Variants in PARD6G observed in about 807,000 individuals in gnomAD.
PARD6G encodes the protein partitioning defective 6 homolog gamma.
In PARD6G, 7 loss-of-function variants were observed where a neutral mutation model predicts 10.7. The observed-to-expected ratio is 0.66, with a 90% CI of 0.37 to 1.23. PARD6G has a LOEUF of 1.23. Among genes scored for constraint, PARD6G ranks in the 50% most tolerant of loss-of-function variants. The probability of loss-of-function intolerance (pLI) is 0.02; values close to 1 mark genes in which losing one functional copy is unlikely to be tolerated. For missense variants in PARD6G, 548 were observed against 571.8 expected, an observed-to-expected ratio of 0.96 and a Z score of 0.42; for synonymous variants, 287 against 269.4, an observed-to-expected ratio of 1.07 and a Z score of -0.64.
At chr18:80,220,698 C>T (rs1163264053) in intron 1 of PARD6G, among the ~76,000 whole-genome samples, 2 of 151,914 alleles carry the variant, frequency 1.3e-5, no homozygotes, top group Non-Finnish European at 2.9e-5. Context: ...GCAACCTCCA[C>T]CTCCCAGGTT....
At chr18:80,195,198 T>C (rs1465602583) in intron 2 of PARD6G, among the ~76,000 whole-genome samples, 1 of 152,100 alleles carries the variant, frequency 6.6e-6, no homozygotes, top group African/African-American at 2.4e-5. Context: ...AACAATGACA[T>C]GGCCATTTTT....
intron 2 of PARD6G, among the ~76,000 whole-genome samples, chr18:80,179,564 C>T (rs1056863286): frequency 2.6e-5 from 4 of 152,174 alleles, no homozygotes; most frequent in East Asian, 1.9e-4. Flanking sequence ...CCTGGGCCCA[C>T]GTTAAATCAG....
Position 80,231,329 on chromosome 18 carries a change from C to T in PARD6G, c.72+15948G>A, listed in dbSNP as rs962132064. 5.3e-5 allele frequency among the ~76,000 whole-genome samples: 8 copies of T among 152,250 alleles called. No individual in the cohort carries two copies. Among genetic ancestry groups the T allele is most frequent in the East Asian group, 3.8e-4 (2 of 5,198 alleles). On this transcript the variant is annotated intron_variant, in intron 1 of 2. Transcript: ENST00000353265. This position sits in a 1 kb window ranked among gnomAD's most constrained non-coding sequence, Gnocchi z 4.2. ...AAGACTTTCCTGAAAGGTAAATTCA[C>T]TTAGGCAGAAGCCTCGAACTCCAGC...
At position 80,159,719 on chromosome 18, in the gene PARD6G, T is replaced by C. The variant is rs1459993349; in HGVS notation, c.*52A>G. 1 of 1,356,390 alleles carries C rather than the reference T, an allele frequency of 7.4e-7. No homozygotes were observed. The highest frequency in any genetic ancestry group is 3.1e-5 in the East Asian group (1 of 32,244). 84.0% of individuals were successfully genotyped at this position (1,356,390 alleles called of 1,614,324 possible). A position where few individuals can be genotyped will look rare whatever the true frequency, so the allele number is the denominator to read the frequency against. On this transcript the variant is annotated 3_prime_UTR_variant, in exon 3 of 3. Coordinates refer to ENST00000353265, the MANE Select transcript of PARD6G (RefSeq NM_032510.4). ...GAGCGGATGCAGTCTGCAGGTCCTG[T>C]CCCTGTCCTTACCGGGGAACTGGAG...
In PARD6G at chr18:80,189,710, G is replaced by A. The variant is rs559403321; in HGVS notation, c.295+13000C>T. On this transcript the variant is annotated intron_variant, in intron 2 of 2. Coordinates refer to ENST00000353265, the MANE Select transcript of PARD6G (RefSeq NM_032510.4). The surrounding 1 kb of genome is among the most constrained non-coding windows in gnomAD (Gnocchi z 5.5). The stretch of plus-strand genomic sequence containing the variant: ...CACGTCCCCTGGGAGTCCCCCGTCC[G>A]TCGTTGAGGCTGTTCTTTCATCTCC... Among the ~76,000 whole-genome samples, 138 of 152,156 alleles carry A rather than the reference G, an allele frequency of 9.1e-4. No individual in the cohort carries two copies. Among genetic ancestry groups the A allele is most frequent in the Middle Eastern group, 3.4e-3 (1 of 294 alleles).
intron 1 of PARD6G, among the ~76,000 whole-genome samples, chr18:80,243,853 G>A (rs1032737667): frequency 1.3e-5 from 2 of 152,110 alleles, no homozygotes; most frequent in Non-Finnish European, 2.9e-5. Flanking sequence ...CAAAGAAAGC[G>A]TGGGCCGAGG....
At chr18:80,220,260 G>A (rs1967215179) in intron 1 of PARD6G, among the ~76,000 whole-genome samples, 1 of 152,124 alleles carries the variant, frequency 6.6e-6, no homozygotes, top group Admixed American at 6.5e-5. Flanking sequence ...AAACAGCATA[G>A]AGGTAACTGC....
chr18:80,193,970 T>G (rs1213442438), intron 2 of PARD6G, among the ~76,000 whole-genome samples: 1 of 152,188 alleles, frequency 6.6e-6, no homozygotes, highest in Non-Finnish European at 1.5e-5. Flanking sequence ...TGAATCATTT[T>G]CCAACAGGAG....
In PARD6G at chr18:80,247,391, G is replaced by A. The variant is rs572269264; in HGVS notation, c.-43C>T. 11 of 1,493,356 alleles carry A rather than the reference G, an allele frequency of 7.4e-6. No individual in the cohort carries two copies. The highest frequency in any genetic ancestry group is 9.9e-6 in the Non-Finnish European group (11 of 1,108,926). The allele number at this position is 1,493,356 out of a possible 1,614,324, so 92.5% of individuals were successfully genotyped here. On this transcript the variant is annotated 5_prime_UTR_variant, in exon 1 of 3. Coordinates refer to ENST00000353265, the MANE Select transcript of PARD6G (RefSeq NM_032510.4). The surrounding 1 kb of genome is among the most constrained non-coding windows in gnomAD (Gnocchi z 4.2). The stretch of plus-strand genomic sequence containing the variant: ...GCCTCGCCGTCGCCCTCGCTCCTCA[G>A]GGGCCGCAGAAAGACTCCCGGGGGC...
chr18:80,229,876 C>T (rs1967338529), intron 1 of PARD6G, among the ~76,000 whole-genome samples: 1 of 152,168 alleles, frequency 6.6e-6, no homozygotes. Context: ...GCAGTGTGGG[C>T]GGCCAGGCAA....
In PARD6G at chr18:80,181,809, G is replaced by A. The variant is rs1378946799; in HGVS notation, c.295+20901C>T. Among the ~76,000 whole-genome samples the A allele has an allele frequency of 6.6e-6, 1 of 152,080 alleles. No homozygotes were observed. The highest frequency in any genetic ancestry group is 1.5e-5 in the Non-Finnish European group (1 of 68,020). On this transcript the variant is annotated intron_variant, in intron 2 of 2. Coordinates refer to ENST00000353265, the MANE Select transcript of PARD6G (RefSeq NM_032510.4). This position sits in a 1 kb window ranked among gnomAD's most constrained non-coding sequence, Gnocchi z 7.9. ...CTCCCCCTGTGCAGAGCATGTGTGG[G>A]GACAGGCAGCTGGATGAAGCACCTC...
intron 1 of PARD6G, among the ~76,000 whole-genome samples, chr18:80,224,586 G>T (rs559587191): frequency 2.8e-3 from 420 of 152,334 alleles, no homozygotes; most frequent in Middle Eastern, 6.8e-3. Context: ...GGTGGCTCAC[G>T]CCTGTAATCC....
chr18:80,196,861 C>T (rs368053475), intron 2 of PARD6G, among the ~76,000 whole-genome samples: 4 of 141,514 alleles, frequency 2.8e-5, no homozygotes, highest in East Asian at 4.1e-4. Context: ...CACATTCCCA[C>T]GGTGGAGTGG....
At position 80,228,072 on chromosome 18, in the gene PARD6G, G is replaced by A. The variant is rs1250568245; in HGVS notation, c.72+19205C>T. Among the ~76,000 whole-genome samples, 1 of 152,160 alleles carries A rather than the reference G, an allele frequency of 6.6e-6. No individual in the cohort carries two copies. The highest frequency in any genetic ancestry group is 6.5e-5 in the Admixed American group (1 of 15,282). ...TATGGTCTCCATTTTATCCCCAAGAGAGCTCAGTATACAGTAGATACTAAA... is the reference window on the plus strand; with the variant it reads ...TATGGTCTCCATTTTATCCCCAAGAAAGCTCAGTATACAGTAGATACTAAA... On this transcript the variant is annotated intron_variant, in intron 1 of 2. Transcript: ENST00000353265. The surrounding 1 kb of genome is among the most constrained non-coding windows in gnomAD (Gnocchi z 4.6).
At chr18:80,178,910 G>A (rs2145260866) in intron 2 of PARD6G, among the ~76,000 whole-genome samples, 1 of 152,204 alleles carries the variant, frequency 6.6e-6, no homozygotes, top group East Asian at 1.9e-4. Flanking sequence ...TGGGGAGGGA[G>A]TGAGGAAGGA....
intron 1 of PARD6G, among the ~76,000 whole-genome samples, chr18:80,242,438 T>C (rs968752301): frequency 1.6e-4 from 25 of 152,202 alleles, no homozygotes; most frequent in Admixed American, 3.3e-4. Context: ...TGCAGCACCA[T>C]GGCAGCCAAC....
Position 80,202,854 on chromosome 18 carries a change from G to A in PARD6G, c.151C>T (p.His51Tyr), listed in dbSNP as rs1967021713. ...TCACTGTTGGAGATATGGTGGGTGT[G>A]CACAACCAGCTTGTAGAAATCTTCA... Reference protein sequence around the residue: ...KFEDFYKLVVHTHHISNSDVT... With the variant: ...KFEDFYKLVVYTHHISNSDVT... The change falls in exon 2 of 3, where the codon CAC (histidine) becomes TAC (tyrosine). Residue 51 changes from histidine (H) to tyrosine (Y), a missense_variant. Around this residue, in one of 2 missense-constraint regions of PARD6G, gnomAD observed 235 missense variants for 291.9 expected, o/e 0.81. Transcript: ENST00000353265. The A allele has an allele frequency of 1.9e-6, 3 of 1,608,910 alleles. No individual in the cohort carries two copies. The highest frequency in any genetic ancestry group is 2.5e-6 in the Non-Finnish European group (3 of 1,178,092).
intron 2 of PARD6G, chr18:80,168,908 T>G (rs1353655101): frequency 6.8e-6 from 1 of 146,724 alleles, no homozygotes; most frequent in Admixed American, 7.3e-5. Flanking sequence ...AAGAAATATT[T>G]TCTTACAAAT....
intron 1 of PARD6G, among the ~76,000 whole-genome samples, chr18:80,226,126 TC>T (rs1419058354): frequency 2.9e-5 from 4 of 138,554 alleles, no homozygotes; most frequent in Non-Finnish European, 6.1e-5. Flanking sequence ...CCCAGCCCCC[TC>T]CCCACAGGTA....
Sources: gnomAD v4.1 joint callset for allele counts (sites outside exome capture counted in the v4.1 genomes callset) on GRCh38, gnomAD v4.1.1 for gene constraint, gnomAD v4.1.1 regional missense constraint, Gnocchi (gnomAD v3.1) non-coding constraint, MANE v1.5 for transcripts, NCBI Gene and HGNC (gene_info 2026-07-23, HGNC 2026-07-21) for gene names.